Variants in SOBP observed in about 807,000 individuals in gnomAD.
SOBP encodes sine oculis-binding protein homolog.
In SOBP, 4 loss-of-function variants were observed where a neutral mutation model predicts 53.6. The ratio of observed to expected loss-of-function variants is 0.07; its 90% CI spans 0.04 to 0.17. The LOEUF is 0.17. Ranked by LOEUF, SOBP falls within the 10% of genes least tolerant of loss-of-function variation. The pLI is 1.00. For synonymous variants in SOBP, 584 were observed against 522.6 expected (o/e 1.12, Z -1.60); for missense variants, 1,088 against 1,204.7 (o/e 0.90, Z 1.43).
In SOBP at chr6:107,660,360, C is replaced by T. The variant is rs1238549740; in HGVS notation, c.*2157C>T. ...TCTGCAGACAAGAGCCCACTCCGTC[C>T]GTTCCAGGGCCTGCTTCCTAACCAT... On this transcript the variant is annotated 3_prime_UTR_variant, in exon 7 of 7. Transcript: ENST00000317357. Among the ~76,000 whole-genome samples, 1 of 152,314 alleles carries T rather than the reference C, an allele frequency of 6.6e-6. No individual in the cohort carries two copies. Among genetic ancestry groups the T allele is most frequent in the African/African-American group, 2.4e-5 (1 of 41,576 alleles).
At chr6:107,515,402 G>A (rs185728670) in intron 3 of SOBP, among the ~76,000 whole-genome samples, 56 of 152,264 alleles carry the variant, frequency 3.7e-4, no homozygotes, top group Admixed American at 3.6e-3. Flanking sequence ...TACATGCCAA[G>A]GGCATTATAA....
At chr6:107,552,799 T>C (rs1784497093) in intron 4 of SOBP, among the ~76,000 whole-genome samples, 1 of 152,178 alleles carries the variant, frequency 6.6e-6, no homozygotes, top group African/African-American at 2.4e-5. Flanking sequence ...GGTGTGTACC[T>C]GTAGTTCTAG....
At chr6:107,510,468 A>G (rs1301905056) in intron 3 of SOBP, 1 of 152,230 alleles carries the variant, frequency 6.6e-6, no homozygotes, top group Admixed American at 6.5e-5. Context: ...AAATGAATGA[A>G]TGACTGATAT....
At chr6:107,566,452 G>C (rs1784919067) in intron 4 of SOBP, among the ~76,000 whole-genome samples, 1 of 152,238 alleles carries the variant, frequency 6.6e-6, no homozygotes, top group South Asian at 2.1e-4. Flanking sequence ...TGAAGTTGAA[G>C]ACAGAAGATG....
intron 6 of SOBP, among the ~76,000 whole-genome samples, chr6:107,650,655 G>A (rs1169533311): frequency 2.0e-5 from 3 of 152,326 alleles, no homozygotes; most frequent in Middle Eastern, 3.4e-3. Flanking sequence ...CGTTGGGTAT[G>A]TTCTGACTGC....
rs777215544 is a variant in SOBP, at chr6:107,634,014, C to A, written c.1170C>A (p.Arg390=). The A allele has an allele frequency of 6.8e-6, 11 of 1,612,558 alleles. No individual in the cohort carries two copies. The highest frequency in any genetic ancestry group is 9.3e-6 in the Non-Finnish European group (11 of 1,179,230). The change falls in exon 6 of 7, where the codon CGC becomes CGA. Residue 390 remains arginine (R), a synonymous_variant. Transcript: ENST00000317357. The surrounding 1 kb of genome is among the most constrained non-coding windows in gnomAD (Gnocchi z 4.5). ...GCCCTCCCATGGTGATGACCAACCGCGGCCCGGTGCCGCTGCCCATCTTCA... is the reference window on the plus strand; with the variant it reads ...GCCCTCCCATGGTGATGACCAACCGAGGCCCGGTGCCGCTGCCCATCTTCA... ...PRSPPMVMTN[R]GPVPLPIFME... is the part of the protein sequence containing the mutation.
rs116859135 is a variant in SOBP, at chr6:107,570,093, C to T, written c.574-16987C>T. Among the ~76,000 whole-genome samples the T allele has an allele frequency of 1.8e-3, 274 of 152,326 alleles. 1 individual carries two copies. Among genetic ancestry groups the T allele is most frequent in the Middle Eastern group, 3.4e-3 (1 of 294 alleles). The stretch of plus-strand genomic sequence containing the variant: ...ATAACGGGACTGGTTAAATACTCAT[C>T]AGTTACAGAGGAATACCACTGGGTG... On this transcript the variant is annotated intron_variant, in intron 4 of 6. Coordinates refer to ENST00000317357, the MANE Select transcript of SOBP (RefSeq NM_018013.4).
chr6:107,600,658 G>A (rs113733833), intron 5 of SOBP, among the ~76,000 whole-genome samples: 1 of 152,220 alleles, frequency 6.6e-6, no homozygotes, highest in African/African-American at 2.4e-5. Flanking sequence ...AAAGGCCTTG[G>A]AATCAGTTCT....
chr6:107,653,366 T>A (rs1771889198), intron 6 of SOBP, among the ~76,000 whole-genome samples: 2 of 152,194 alleles, frequency 1.3e-5, no homozygotes, highest in South Asian at 4.1e-4. Context: ...AGCAATCCAG[T>A]CCTCAGGGAC....
At chr6:107,530,608 A>G (rs1410373818) in intron 3 of SOBP, among the ~76,000 whole-genome samples, 1 of 152,144 alleles carries the variant, frequency 6.6e-6, no homozygotes, top group Non-Finnish European at 1.5e-5. Flanking sequence ...TTTTTTGAAT[A>G]ACCCAATTAT....
chr6:107,624,338 A>T, intron 5 of SOBP, among the ~76,000 whole-genome samples: 1 of 152,208 alleles, frequency 6.6e-6, no homozygotes. Flanking sequence ...AGCTGGTCTC[A>T]CTAGCATGTC....
At chr6:107,563,311 A>C (rs1239930263) in intron 4 of SOBP, among the ~76,000 whole-genome samples, 1 of 152,232 alleles carries the variant, frequency 6.6e-6, no homozygotes, top group Non-Finnish European at 1.5e-5. Context: ...GGGTCAAAAT[A>C]ATTTCACAAG....
chr6:107,572,510 C>T (rs749154002), intron 4 of SOBP, among the ~76,000 whole-genome samples: 1 of 152,028 alleles, frequency 6.6e-6, no homozygotes, highest in Non-Finnish European at 1.5e-5. Context: ...TGCCATGTTG[C>T]CCAGGATGTT....
At chr6:107,558,328 G>T (rs1784675311) in intron 4 of SOBP, 1 of 151,110 alleles carries the variant, frequency 6.6e-6, no homozygotes, top group African/African-American at 2.4e-5. Flanking sequence ...GAGTGCAGTG[G>T]CGCGATCTCG....
intron 5 of SOBP, among the ~76,000 whole-genome samples, chr6:107,618,605 T>G (rs1786890201): frequency 6.6e-6 from 1 of 152,240 alleles, no homozygotes; most frequent in Admixed American, 6.5e-5. Context: ...ATGTTTTTAT[T>G]TAGCATGACA....
At chr6:107,526,324 C>A (rs191414798) in intron 3 of SOBP, among the ~76,000 whole-genome samples, 2 of 152,222 alleles carry the variant, frequency 1.3e-5, no homozygotes, top group Non-Finnish European at 2.9e-5. Flanking sequence ...ATTCCCTCCC[C>A]CTATGCCAAA....
chr6:107,638,720 G>A (rs1208304724), intron 6 of SOBP, among the ~76,000 whole-genome samples: 1 of 152,154 alleles, frequency 6.6e-6, no homozygotes, highest in Non-Finnish European at 1.5e-5. Context: ...CTGAGATGTG[G>A]TGGGTGAGGT....
At chr6:107,565,143 A>G (rs1209160766) in intron 4 of SOBP, among the ~76,000 whole-genome samples, 1 of 152,232 alleles carries the variant, frequency 6.6e-6, no homozygotes, top group East Asian at 1.9e-4. Flanking sequence ...ATGAAGGAGT[A>G]AAGTCTCCTT....
chr6:107,617,701 A>G (rs896564766), intron 5 of SOBP, among the ~76,000 whole-genome samples: 1 of 152,046 alleles, frequency 6.6e-6, no homozygotes, highest in Non-Finnish European at 1.5e-5. Flanking sequence ...AAGAAGCTCA[A>G]TTAGCTGGGG....
Sources: gnomAD v4.1 joint callset for allele counts (sites outside exome capture counted in the v4.1 genomes callset) on GRCh38, gnomAD v4.1.1 for gene constraint, Gnocchi (gnomAD v3.1) non-coding constraint, MANE v1.5 for transcripts, NCBI Gene and HGNC (gene_info 2026-07-23, HGNC 2026-07-21) for gene names.